The following LMTK2 variants were observed in gnomAD, a reference collection of about 807,000 sequenced individuals.
LMTK2 encodes the protein lemur tail kinase 2, also known as serine/threonine-protein kinase LMTK2.
Under a neutral mutation model 127.5 loss-of-function variants are expected in LMTK2, and 37 were observed. That is an observed-to-expected ratio of 0.29 (90% CI 0.22 to 0.38). LMTK2 has a LOEUF of 0.38. LMTK2 is among the 10% of genes least tolerant of loss of function. The pLI is 1.00. For synonymous variants in LMTK2, 819 were observed against 810.1 expected, an observed-to-expected ratio of 1.01 and a Z score of -0.19; for missense variants, 1,694 against 1,920.3, an observed-to-expected ratio of 0.88 and a Z score of 2.20.
At chr7:98,115,084 A>AT (rs1361871118) in intron 1 of LMTK2, among the ~76,000 whole-genome samples, 2 of 152,174 alleles carry the variant, frequency 1.3e-5, no homozygotes, top group African/African-American at 4.8e-5. Context: ...ACACTAACAC[A>AT]TTTTTTGATT....
chr7:98,200,543 T>C (rs1299687442), intron 11 of LMTK2, among the ~76,000 whole-genome samples: 1 of 152,156 alleles, frequency 6.6e-6, no homozygotes, highest in East Asian at 1.9e-4. Flanking sequence ...ACCACAGGAC[T>C]TAGTATGCAC....
intron 3 of LMTK2, among the ~76,000 whole-genome samples, chr7:98,144,761 T>C (rs1780170575): frequency 6.6e-6 from 1 of 151,694 alleles, no homozygotes; most frequent in South Asian, 2.1e-4. Flanking sequence ...TTTTTTTTTT[T>C]ACTCAAAGGT....
chr7:98,158,730 A>G (rs10243993), intron 5 of LMTK2, among the ~76,000 whole-genome samples: 19,528 of 152,230 alleles, frequency 0.13, 2,010 homozygotes, highest in African/African-American at 0.28. Context: ...TTATGTGTAG[A>G]TAATGACACC....
At chr7:98,203,890 C>T (rs898949153) in intron 12 of LMTK2, 54 bp from the exon 13 acceptor site, 11 of 1,604,728 alleles carry the variant, frequency 6.9e-6, no homozygotes, top group South Asian at 2.2e-5. Flanking sequence ...GAGGCTCCCC[C>T]TCTCCCTCAT....
Position 98,203,633 on chromosome 7 carries a change from C to T in LMTK2, c.4167C>T (p.Ser1389=), listed in dbSNP as rs1037194628. ...GAGAGGCGTGCGGCCCGGACCTGAGCGGCCCAGCCCCAGCCTCAGGCTCTC... is the reference window on the plus strand; with the variant it reads ...GAGAGGCGTGCGGCCCGGACCTGAGTGGCCCAGCCCCAGCCTCAGGCTCTC... ...CGGEACGPDL[S]GPAPASGSPY... The change falls in exon 12 of 14, where the codon AGC becomes AGT. Residue 1389 remains serine (S), a synonymous_variant. Coordinates refer to ENST00000297293, the MANE Select transcript of LMTK2 (RefSeq NM_014916.4). 13 of 1,612,936 alleles carry T rather than the reference C, an allele frequency of 8.1e-6. No individual in the cohort carries two copies. The highest frequency in any genetic ancestry group is 2.7e-5 in the African/African-American group (2 of 74,860).
At chr7:98,166,197 G>A (rs1207905540) in intron 6 of LMTK2, among the ~76,000 whole-genome samples, 1 of 152,188 alleles carries the variant, frequency 6.6e-6, no homozygotes, top group African/African-American at 2.4e-5. Flanking sequence ...CATGTGTGTG[G>A]CCACACTGCT....
intron 6 of LMTK2, 49 bp downstream of exon 6, chr7:98,159,474 C>T: frequency 7.6e-7 from 1 of 1,309,428 alleles, no homozygotes; most frequent in East Asian, 2.3e-5. Flanking sequence ...AGGTTGTATT[C>T]AAGTGTTTTT....
intron 10 of LMTK2, among the ~76,000 whole-genome samples, 193 bp from the exon 11 acceptor site, chr7:98,191,421 G>A (rs556255980): frequency 1.2e-4 from 19 of 152,048 alleles, no homozygotes; most frequent in Non-Finnish European, 1.8e-4. Context: ...GCGCGGCAGC[G>A]GGCGCCTGTA....
At chr7:98,151,804 G>C (rs1481988609) in intron 4 of LMTK2, among the ~76,000 whole-genome samples, 2 of 152,200 alleles carry the variant, frequency 1.3e-5, no homozygotes, top group Admixed American at 6.5e-5. Context: ...GCACTTTCCT[G>C]CTGCGTCCTC....
At chr7:98,197,397 C>G (rs1385707721) in intron 11 of LMTK2, among the ~76,000 whole-genome samples, 1 of 152,256 alleles carries the variant, frequency 6.6e-6, no homozygotes, top group Admixed American at 6.5e-5. Flanking sequence ...CCACCTCTTG[C>G]ATGCACCTTT....
Position 98,207,237 on chromosome 7 carries a change from G to A in LMTK2, c.*1745G>A, listed in dbSNP as rs1797819506. The A allele has an allele frequency of 1.3e-5, 2 of 152,252 alleles. No individual in the cohort carries two copies. The highest frequency in any genetic ancestry group is 1.3e-4 in the Admixed American group (2 of 15,284). 9.4% of individuals were successfully genotyped at this position (152,252 alleles called of 1,614,324 possible). On this transcript the variant is annotated 3_prime_UTR_variant, in exon 14 of 14. Coordinates refer to ENST00000297293, the MANE Select transcript of LMTK2 (RefSeq NM_014916.4). ...TTTCCAGACTCCAGCGCAACCTGGG[G>A]TGCTCTCCAGACCCGTGCAGGGGCC... is the stretch of plus-strand genomic sequence containing the variant.
At chr7:98,159,773 G>A (rs970773150) in intron 6 of LMTK2, among the ~76,000 whole-genome samples, 7 of 152,116 alleles carry the variant, frequency 4.6e-5, no homozygotes, top group East Asian at 1.9e-4. Flanking sequence ...GGGTCTAGAT[G>A]TGCCCTCCTA....
Position 98,144,008 on chromosome 7 carries a change from A to T in LMTK2, c.376+2467A>T, listed in dbSNP as rs1796733951. On this transcript the variant is annotated intron_variant, in intron 3 of 13. Coordinates refer to ENST00000297293, the MANE Select transcript of LMTK2 (RefSeq NM_014916.4). ...ATATTTGTGATATAGTACATGAAAA[A>T]GATATACCACATACAAGCAATTCTA... 2.0e-5 allele frequency among the ~76,000 whole-genome samples: 3 copies of T among 152,348 alleles called. No homozygotes were observed. The South Asian group carries it at 6.2e-4, about 32-fold the overall frequency.
intron 3 of LMTK2, 135 bp from the exon 4 acceptor site, chr7:98,151,247 G>T (rs556228725): frequency 9.2e-6 from 5 of 544,892 alleles, no homozygotes; most frequent in Non-Finnish European, 1.2e-5. Flanking sequence ...GGCATGATTC[G>T]TTTAAAAGAG....
At chr7:98,124,496 A>T (rs1285549897) in intron 1 of LMTK2, among the ~76,000 whole-genome samples, 3 of 152,188 alleles carry the variant, frequency 2.0e-5, no homozygotes, top group Non-Finnish European at 1.5e-5. Flanking sequence ...AATAAATTTT[A>T]AAAAATTAGC....
chr7:98,124,249 C>G (rs1248180242), intron 1 of LMTK2, among the ~76,000 whole-genome samples: 2 of 152,204 alleles, frequency 1.3e-5, no homozygotes, highest in African/African-American at 4.8e-5. Flanking sequence ...TGCTTTCGTC[C>G]CCTGCTCTGT....
intron 1 of LMTK2, among the ~76,000 whole-genome samples, chr7:98,109,498 C>T (rs141125993): frequency 0.014 from 2,171 of 152,104 alleles, 51 homozygotes; most frequent in African/African-American, 0.049. Flanking sequence ...AATCCCAGCA[C>T]TTTGGGAGGC....
At chr7:98,138,860 A>C (rs559247565) in intron 2 of LMTK2, among the ~76,000 whole-genome samples, 11 of 152,308 alleles carry the variant, frequency 7.2e-5, no homozygotes, top group Non-Finnish European at 1.3e-4. Context: ...TGTTGTTACC[A>C]AGCTTCCCCC....
chr7:98,140,233 T>G, intron 2 of LMTK2, among the ~76,000 whole-genome samples: 1 of 150,580 alleles, frequency 6.6e-6, no homozygotes, highest in African/African-American at 2.5e-5. Flanking sequence ...AGCCTTGACC[T>G]CCCAGGCTCA....
Sources: allele counts gnomAD v4.1 joint callset (sites outside exome capture counted in the v4.1 genomes callset), GRCh38; gene constraint gnomAD v4.1.1; transcripts MANE v1.5; gene names NCBI Gene and HGNC (gene_info 2026-07-23, HGNC 2026-07-21).